Variants in DENND1B observed in about 807,000 individuals in gnomAD.
DENND1B encodes DENN domain containing 1B, also known as DENN domain-containing protein 1B.
DENND1B carries 59 observed loss-of-function variants against 90.1 expected under a neutral mutation model. The observed-to-expected ratio is 0.65, with a 90% CI of 0.53 to 0.81. The LOEUF is 0.81. Among genes scored for constraint, DENND1B ranks in the 40% least tolerant of loss-of-function variants. The probability of loss-of-function intolerance (pLI) is 0.00; values close to 1 mark genes in which losing one functional copy is unlikely to be tolerated. For synonymous variants in DENND1B, 337 were observed against 324.6 expected (o/e 1.04, Z -0.41); for missense variants, 862 against 912.6 (o/e 0.94, Z 0.71).
intron 14 of DENND1B, among the ~76,000 whole-genome samples, chr1:197,585,267 T>C (rs1271290220): frequency 6.6e-6 from 1 of 152,188 alleles, no homozygotes; most frequent in Non-Finnish European, 1.5e-5. Context: ...CTATATGACA[T>C]ATCATCTTCA....
intron 10 of DENND1B, among the ~76,000 whole-genome samples, chr1:197,627,404 A>G (rs1475708108): frequency 6.6e-6 from 1 of 152,180 alleles, no homozygotes; most frequent in Non-Finnish European, 1.5e-5. Flanking sequence ...AATCCAGCAT[A>G]TAAACAGAAC....
In DENND1B at chr1:197,605,438, T is replaced by C. The variant is rs558147023; in HGVS notation, c.921+1635A>G. 9 of 151,188 alleles carry C rather than the reference T, an allele frequency of 6.0e-5. 1 individual carries two copies. In the South Asian group the frequency reaches 1.7e-3, roughly 28 times the overall value. 9.4% of individuals were successfully genotyped at this position (151,188 alleles called of 1,614,324 possible). A position where few individuals can be genotyped will look rare whatever the true frequency, so the allele number is the denominator to read the frequency against. ...ATCTATCATTGATTGAAGCTGCCTA[T>C]AAAAATTTTAATATCACGTACAGAA... is the stretch of plus-strand genomic sequence containing the variant. On this transcript the variant is annotated intron_variant, in intron 13 of 22. Transcript: ENST00000620048.
At chr1:197,596,480 A>G (rs532466615) in intron 13 of DENND1B, among the ~76,000 whole-genome samples, 109 of 151,948 alleles carry the variant, frequency 7.2e-4, no homozygotes, top group African/African-American at 2.6e-3. Flanking sequence ...TTTTATTTAG[A>G]AAAAAAACTG....
intron 14 of DENND1B, among the ~76,000 whole-genome samples, chr1:197,586,261 G>C (rs1191450059): frequency 2.0e-5 from 3 of 151,844 alleles, no homozygotes; most frequent in Non-Finnish European, 4.4e-5. Flanking sequence ...ATATTAAAGA[G>C]ATCTGAAAAA....
intron 3 of DENND1B, among the ~76,000 whole-genome samples, chr1:197,696,096 T>C (rs565080989): frequency 4.0e-5 from 6 of 151,534 alleles, no homozygotes; most frequent in African/African-American, 1.4e-4. Context: ...CCATTAGTCA[T>C]TATTAAATAT....
intron 5 of DENND1B, among the ~76,000 whole-genome samples, chr1:197,666,073 A>G (rs899322182): frequency 3.9e-5 from 6 of 152,206 alleles, no homozygotes; most frequent in Non-Finnish European, 8.8e-5. Context: ...TCCAAAAGTC[A>G]TAATACACTA....
At chr1:197,630,297 C>T (rs578145296) in intron 10 of DENND1B, among the ~76,000 whole-genome samples, 143 of 152,154 alleles carry the variant, frequency 9.4e-4, no homozygotes, top group African/African-American at 3.3e-3. Flanking sequence ...CTGGGAAATC[C>T]AACATCAAGG....
upstream of DENND1B, among the ~76,000 whole-genome samples, chr1:197,780,011 A>G (rs1404229960): frequency 1.3e-5 from 2 of 152,180 alleles, no homozygotes; most frequent in African/African-American, 2.4e-5. Context: ...TACTGCTGGT[A>G]GATGCTTGGG....
chr1:197,779,640 G>C (rs1407551887), upstream of DENND1B, among the ~76,000 whole-genome samples: 2 of 151,614 alleles, frequency 1.3e-5, no homozygotes, highest in Non-Finnish European at 2.9e-5. Context: ...CTTCAGCTTT[G>C]TCTCATTTTC....
intron 2 of DENND1B, among the ~76,000 whole-genome samples, chr1:197,765,198 A>C (rs921057796): frequency 6.6e-6 from 1 of 152,210 alleles, no homozygotes; most frequent in African/African-American, 2.4e-5. Context: ...CTATCACAGA[A>C]ACGTGAACCA....
chr1:197,697,244 A>G (rs1420162924), intron 3 of DENND1B, among the ~76,000 whole-genome samples: 1 of 151,710 alleles, frequency 6.6e-6, no homozygotes, highest in Non-Finnish European at 1.5e-5. Flanking sequence ...TGTCACTGAT[A>G]GCAGGGGATT....
intron 2 of DENND1B, 48 bp downstream of exon 2, chr1:197,772,820 C>T: frequency 1.4e-6 from 2 of 1,423,006 alleles, no homozygotes; most frequent in Non-Finnish European, 1.9e-6. Context: ...AGATCTTGTC[C>T]CAAAAAAAAG....
intron 15 of DENND1B, among the ~76,000 whole-genome samples, chr1:197,567,095 A>G (rs6689216): frequency 0.8 from 121,482 of 151,856 alleles, 48,722 homozygotes; most frequent in East Asian, 0.87. Context: ...ATTCTGAAAA[A>G]TTAAACTGAC....
chr1:197,706,108 T>C (rs991814796), intron 3 of DENND1B, among the ~76,000 whole-genome samples: 5 of 152,204 alleles, frequency 3.3e-5, no homozygotes, highest in African/African-American at 4.8e-5. Flanking sequence ...CACATACTTT[T>C]ATCAGCTTTC....
At chr1:197,658,172 T>C in intron 6 of DENND1B, 128 bp downstream of exon 6, 2 of 760,370 alleles carry the variant, frequency 2.6e-6, no homozygotes, top group East Asian at 2.5e-5. Context: ...ATGTATGGTA[T>C]TGATGATTGC....
rs551144034 is a variant in DENND1B at position 197,654,912 on chromosome 1, C to T, written c.367-2597G>A. On this transcript the variant is annotated intron_variant, in intron 6 of 22. Transcript: ENST00000620048. ...CACCATACTGGGCAGACAGAAATGT[C>T]TATACCATTTTAGCTGAACTGTATC... Among the ~76,000 whole-genome samples, 40 of 152,224 alleles carry T rather than the reference C, an allele frequency of 2.6e-4. No individual in the cohort carries two copies. The South Asian group carries it at 8.1e-3, about 31-fold the overall frequency.
intron 20 of DENND1B, among the ~76,000 whole-genome samples, chr1:197,523,302 A>G (rs183156207): frequency 2.8e-3 from 420 of 152,220 alleles, no homozygotes; most frequent in African/African-American, 8.9e-3. Flanking sequence ...AGAATCCTAT[A>G]TTGATACCAA....
intron 2 of DENND1B, among the ~76,000 whole-genome samples, chr1:197,720,516 C>CGTAA (rs1294209368): frequency 6.6e-6 from 1 of 151,972 alleles, no homozygotes; most frequent in Non-Finnish European, 1.5e-5. Flanking sequence ...GCTAGGATTA[C>CGTAA]AGGTGCGAGC....
rs1389651574 is a variant in DENND1B at position 197,686,730 on chromosome 1, T to C, written c.127-12561A>G. Among the ~76,000 whole-genome samples the C allele has an allele frequency of 4.6e-5, 7 of 152,242 alleles. No homozygotes were observed. The East Asian group carries it at 1.4e-3, about 29-fold the overall frequency. On this transcript the variant is annotated intron_variant, in intron 3 of 22. Coordinates refer to ENST00000620048, the MANE Select transcript of DENND1B (RefSeq NM_001195215.2). The stretch of plus-strand genomic sequence containing the variant: ...TCCTAGATATCTGTCTCTTTTTTTT[T>C]TTTTGTAACTCTCTTCCTATCTTTG...
Sources: gnomAD v4.1 joint callset for allele counts (sites outside exome capture counted in the v4.1 genomes callset) on GRCh38, gnomAD v4.1.1 for gene constraint, MANE v1.5 for transcripts, NCBI Gene and HGNC (gene_info 2026-07-23, HGNC 2026-07-21) for gene names.